The following TMEM127 variants were observed in gnomAD, a reference collection of about 807,000 sequenced individuals.
TMEM127 encodes transmembrane protein 127.
TMEM127 carries 21 observed loss-of-function variants against 20.1 expected under a neutral mutation model. The ratio of observed to expected loss-of-function variants is 1.04; its 90% CI spans 0.74 to 1.50. TMEM127 has a LOEUF of 1.50. TMEM127 is among the 40% of genes most tolerant of loss of function. The probability of loss-of-function intolerance (pLI) is 0.00; values close to 1 mark genes in which losing one functional copy is unlikely to be tolerated. For synonymous variants in TMEM127, 150 were observed against 144.7 expected, an observed-to-expected ratio of 1.04 and a Z score of -0.26; for missense variants, 303 against 317.4, an observed-to-expected ratio of 0.95 and a Z score of 0.34.
chr2:96,264,282 A>G (rs1412056556), intron 2 of TMEM127, among the ~76,000 whole-genome samples: 1 of 152,360 alleles, frequency 6.6e-6, no homozygotes, highest in Non-Finnish European at 1.5e-5. Flanking sequence ...TAGGCGGTGC[A>G]GTAAACATCT....
intron 2 of TMEM127, among the ~76,000 whole-genome samples, chr2:96,257,028 G>T (rs550189174): frequency 6.6e-6 from 1 of 152,240 alleles, no homozygotes; most frequent in Non-Finnish European, 1.5e-5. Flanking sequence ...AAAGGAAGAG[G>T]CTGAAAGAAA....
chr2:96,253,678 T>C lies in TMEM127; in HGVS notation c.*130A>G. The stretch of plus-strand genomic sequence containing the variant: ...ATGACCCTAAAGGCAGAGTCTCTCC[T>C]GGGGAAGGTTTGGAGAAGATGGTCA... On this transcript the variant is annotated 3_prime_UTR_variant, in exon 4 of 4. Coordinates refer to ENST00000258439, the MANE Select transcript of TMEM127 (RefSeq NM_017849.4). This position sits in a 1 kb window ranked among gnomAD's most constrained non-coding sequence, Gnocchi z 4.3. 2 of 1,022,684 alleles carry C rather than the reference T, an allele frequency of 2.0e-6. No individual in the cohort carries two copies. The highest frequency in any genetic ancestry group is 1.7e-5 in the South Asian group (1 of 59,162). The allele number at this position is 1,022,684 out of a possible 1,614,324, so 63.4% of individuals were successfully genotyped here.
rs1202644970 is a variant in TMEM127 at position 96,250,739 on chromosome 2, T to C, written c.*3069A>G. 4.3e-6 allele frequency: 1 copy of C among 232,814 alleles called. No homozygotes were observed. The highest frequency in any genetic ancestry group is 6.0e-5 in the East Asian group (1 of 16,556). The allele number at this position is 232,814 out of a possible 1,614,324, so 14.4% of individuals were successfully genotyped here. A position where few individuals can be genotyped will look rare whatever the true frequency, so the allele number is the denominator to read the frequency against. On this transcript the variant is annotated 3_prime_UTR_variant, in exon 4 of 4. Coordinates refer to ENST00000258439, the MANE Select transcript of TMEM127 (RefSeq NM_017849.4). ...GAAGGAACGGAGAGAACGTGGGCAA[T>C]CAAGGCCTGGCACTGCCCTACAGGA...
Position 96,248,776 on chromosome 2 carries a change from C to T in TMEM127, c.*5032G>A. ...GGGCAGCCTGCAGGCCCTGCACCTT[C>T]AGGCCCCATTCTCAGACACCTGTAC... On this transcript the variant is annotated 3_prime_UTR_variant, in exon 4 of 4. Transcript: ENST00000258439. 4.3e-6 allele frequency: 1 copy of T among 231,702 alleles called. No homozygotes were observed. The highest frequency in any genetic ancestry group is 8.5e-6 in the Non-Finnish European group (1 of 117,026). 14.4% of individuals were successfully genotyped at this position (231,702 alleles called of 1,614,324 possible). A position where few individuals can be genotyped will look rare whatever the true frequency, so the allele number is the denominator to read the frequency against.
At position 96,254,092 on chromosome 2, in the gene TMEM127, C is replaced by T; in HGVS notation, c.433G>A (p.Gly145Ser). The T allele has an allele frequency of 6.2e-7, 1 of 1,614,094 alleles. No individual in the cohort carries two copies. Among genetic ancestry groups the T allele is most frequent in the Non-Finnish European group, 8.5e-7 (1 of 1,180,034 alleles). Residue 145 changes from glycine (G) to serine (S), a missense_variant, in exon 4 of 4, where the codon GGC (glycine) becomes AGC (serine). Transcript: ENST00000258439. ...AGTTCAGAAGCCCAATAAGAAAAGCCAATGACGGTGGCACACTGCAGAACT... is the reference window on the plus strand; with the variant it reads ...AGTTCAGAAGCCCAATAAGAAAAGCTAATGACGGTGGCACACTGCAGAACT... The part of the protein sequence containing the change: ...LTVLQCATVI[G>S]FSYWASELIL...
chr2:96,264,207 C>T (rs747148125), intron 2 of TMEM127, among the ~76,000 whole-genome samples: 1 of 152,228 alleles, frequency 6.6e-6, no homozygotes, highest in African/African-American at 2.4e-5. Context: ...GACCTTTTCA[C>T]CAAATCCCAG....
At position 96,265,139 on chromosome 2, in the gene TMEM127, T is replaced by C; in HGVS notation, c.243A>G (p.Lys81=). ...VLGYVHPDLL[K]DFCMNPQTVL... ...AGGGCCAGCGCGCAGCACCCTCACC[T>C]TTCAGCAGGTCCGGGTGCACATAGC... Residue 81 remains lysine, a splice_region_variant and synonymous_variant, in exon 2 of 4, where the codon AAA becomes AAG. Coordinates refer to ENST00000258439, the MANE Select transcript of TMEM127 (RefSeq NM_017849.4). The C allele has an allele frequency of 6.2e-7, 1 of 1,612,116 alleles. No homozygotes were observed.
chr2:96,265,499 A>G lies in TMEM127; in HGVS notation c.-118T>C. The G allele has an allele frequency of 8.1e-7, 1 of 1,240,768 alleles. No individual in the cohort carries two copies. Among genetic ancestry groups the G allele is most frequent in the Non-Finnish European group, 1.0e-6 (1 of 987,188 alleles). 76.9% of individuals were successfully genotyped at this position (1,240,768 alleles called of 1,614,324 possible). ...CAACGCTCCGGGTTCGCTGCAGGTG[A>G]AGCCGGGACTGGGCTGTCAGGGTTG... On this transcript the variant is annotated 5_prime_UTR_variant, in exon 2 of 4. Transcript: ENST00000258439.
rs1174321181 is a variant in TMEM127, at chr2:96,254,756, C to T, written c.409+77G>A. The T allele has an allele frequency of 2.5e-6, 4 of 1,583,750 alleles. No individual in the cohort carries two copies. In the Admixed American group the frequency reaches 6.7e-5, roughly 26 times the overall value. ...GGGTGCCTGCTCAGAGAAACCAGAG[C>T]CCCCACCGGCAACTCAGACAGGATG... On this transcript the variant is annotated intron_variant, in intron 3 of 3. Transcript: ENST00000258439.
chr2:96,264,627 A>G (rs1448532969), intron 2 of TMEM127, among the ~76,000 whole-genome samples: 1 of 152,242 alleles, frequency 6.6e-6, no homozygotes, highest in Non-Finnish European at 1.5e-5. Context: ...CAAGAGCCAC[A>G]TTCCGACTGT....
chr2:96,265,969 C>A lies in TMEM127; in HGVS notation c.-232G>T. On this transcript the variant is annotated 5_prime_UTR_variant, in exon 1 of 4. Coordinates refer to ENST00000258439, the MANE Select transcript of TMEM127 (RefSeq NM_017849.4). ...TTCCCAGGCCCCAATCCCGCAACGC[C>A]CGGACAGACCCGGGGCCGATGCACT... 5.4e-6 allele frequency: 1 copy of A among 185,328 alleles called. No individual in the cohort carries two copies. The highest frequency in any genetic ancestry group is 1.1e-5 in the Non-Finnish European group (1 of 89,770). 11.5% of individuals were successfully genotyped at this position (185,328 alleles called of 1,614,324 possible).
At position 96,254,005 on chromosome 2, in the gene TMEM127, C is replaced by T. The variant is rs753594901; in HGVS notation, c.520G>A (p.Ala174Thr). Residue 174 changes from alanine to threonine, a missense_variant, in exon 4 of 4, where the codon GCC becomes ACC. Physicochemically the swap from Ala to Thr is moderately conservative, Grantham distance 58. Transcript: ENST00000258439. ...CCTGCCACCAGGTAGAAGCTAACGGCGAAGGTGACATAGACCTGGGATCCA... is the reference window on the plus strand; with the variant it reads ...CCTGCCACCAGGTAGAAGCTAACGGTGAAGGTGACATAGACCTGGGATCCA... ...YHGSQVYVTF[A>T]VSFYLVAGAG... is the part of the protein sequence containing the mutation. The T allele has an allele frequency of 5.6e-6, 9 of 1,614,004 alleles. No homozygotes were observed. The highest frequency in any genetic ancestry group is 5.5e-5 in the South Asian group (5 of 91,084).
At chr2:96,255,254 A>G (rs1171176816) in intron 2 of TMEM127, among the ~76,000 whole-genome samples, 2 of 152,212 alleles carry the variant, frequency 1.3e-5, no homozygotes, top group Non-Finnish European at 2.9e-5. Context: ...ATTCTACTTC[A>G]CTGTGTATGC....
rs993905348 is a variant in TMEM127, at chr2:96,252,302, T to G, written c.*1506A>C. ...CTCAAACTATCTATCACCTTAAAGG[T>G]TGGAAGAGATTGGAATCCATTTCCT... On this transcript the variant is annotated 3_prime_UTR_variant, in exon 4 of 4. Coordinates refer to ENST00000258439, the MANE Select transcript of TMEM127 (RefSeq NM_017849.4). This position sits in a 1 kb window ranked among gnomAD's most constrained non-coding sequence, Gnocchi z 4.2. 1 of 233,100 alleles carries G rather than the reference T, an allele frequency of 4.3e-6. No individual in the cohort carries two copies. The highest frequency in any genetic ancestry group is 8.5e-6 in the Non-Finnish European group (1 of 117,936). 14.4% of individuals were successfully genotyped at this position (233,100 alleles called of 1,614,324 possible).
chr2:96,263,927 C>T (rs1573976643), intron 2 of TMEM127, among the ~76,000 whole-genome samples: 1 of 152,080 alleles, frequency 6.6e-6, no homozygotes, highest in East Asian at 1.9e-4. Flanking sequence ...AGCAACATGA[C>T]AGAGAAAAGG....
At chr2:96,265,593 C>T in intron 1 of TMEM127, 81 bp from the exon 2 acceptor site, 2 of 521,510 alleles carry the variant, frequency 3.8e-6, no homozygotes, top group Non-Finnish European at 5.8e-6. Context: ...ATTCGGGGGG[C>T]GGAGACAGGA....
At chr2:96,262,633 T>C (rs1375714480) in intron 2 of TMEM127, among the ~76,000 whole-genome samples, 2 of 152,248 alleles carry the variant, frequency 1.3e-5, no homozygotes, top group Non-Finnish European at 2.9e-5. Flanking sequence ...GCAAATGTAA[T>C]GTAAAGGTTA....
chr2:96,255,331 G>A (rs1252481204), intron 2 of TMEM127, among the ~76,000 whole-genome samples: 1 of 152,242 alleles, frequency 6.6e-6, no homozygotes, highest in Non-Finnish European at 1.5e-5. Flanking sequence ...TTCTGCTAAA[G>A]GATATTTTGA....
chr2:96,253,510 A>G lies in TMEM127; in HGVS notation c.*298T>C. The G allele has an allele frequency of 2.2e-6, 1 of 452,426 alleles. No homozygotes were observed. Among genetic ancestry groups the G allele is most frequent in the Non-Finnish European group, 4.0e-6 (1 of 250,758 alleles). The allele number at this position is 452,426 out of a possible 1,614,324, so 28.0% of individuals were successfully genotyped here. On this transcript the variant is annotated 3_prime_UTR_variant, in exon 4 of 4. Coordinates refer to ENST00000258439, the MANE Select transcript of TMEM127 (RefSeq NM_017849.4). This position sits in a 1 kb window ranked among gnomAD's most constrained non-coding sequence, Gnocchi z 4.3. The stretch of plus-strand genomic sequence containing the variant: ...CAAGGAAAGTCTCGGTCCCAAAGAT[A>G]TCGCCCATGCTGGAGGAAACTTGGA...
Sources: gnomAD v4.1 joint callset for allele counts (sites outside exome capture counted in the v4.1 genomes callset) on GRCh38, gnomAD v4.1.1 for gene constraint, Gnocchi (gnomAD v3.1) non-coding constraint, MANE v1.5 for transcripts, NCBI Gene and HGNC (gene_info 2026-07-23, HGNC 2026-07-21) for gene names.